Variants in COPS3 observed in about 807,000 individuals in gnomAD.
The protein encoded by COPS3 is COP9 signalosome subunit 3, also known as COP9 signalosome complex subunit 3.
A neutral mutation model predicts 58.2 loss-of-function variants in COPS3; 10 were observed. The ratio of observed to expected loss-of-function variants is 0.17; its 90% CI spans 0.11 to 0.29. The LOEUF (loss-of-function observed/expected upper bound fraction) is 0.29, where lower values mean the gene tolerates loss of function less well. Ranked by LOEUF, COPS3 falls within the 10% of genes least tolerant of loss-of-function variation. COPS3 has a pLI of 1.00. For missense variants in COPS3, 333 were observed against 510.1 expected (o/e 0.65, Z 3.34); for synonymous variants, 187 against 181.7 (o/e 1.03, Z -0.24).
intron 1 of COPS3, among the ~76,000 whole-genome samples, chr17:17,278,717 G>C (rs1798229751): frequency 6.6e-6 from 1 of 152,034 alleles, no homozygotes; most frequent in African/African-American, 2.4e-5. Context: ...TTAACAATCA[G>C]TGCCCAGTTG....
chr17:17,267,033 T>TC (rs1278903136), intron 5 of COPS3, among the ~76,000 whole-genome samples: 1 of 149,910 alleles, frequency 6.7e-6, no homozygotes, highest in African/African-American at 2.4e-5. Flanking sequence ...AAAAAATGAT[T>TC]CGGGATTTTA....
At position 17,270,633 on chromosome 17, in the gene COPS3, C is replaced by T; in HGVS notation, c.348+125G>A. ...TTACAGCAATGGCTGTGAGTGCTCT[C>T]AAGTGACCACAGATATCTAGGTGGT... On this transcript the variant is annotated intron_variant, in intron 4 of 11. Coordinates refer to ENST00000268717, the MANE Select transcript of COPS3 (RefSeq NM_003653.4). 3 of 867,240 alleles carry T rather than the reference C, an allele frequency of 3.5e-6. No homozygotes were observed. The South Asian group carries it at 5.2e-5, about 15-fold the overall frequency. The allele number at this position is 867,240 out of a possible 1,614,324, so 53.7% of individuals were successfully genotyped here.
intron 1 of COPS3, 25 bp from the exon 2 acceptor site, chr17:17,276,189 G>A: frequency 1.2e-6 from 2 of 1,612,412 alleles, no homozygotes; most frequent in Non-Finnish European, 1.7e-6. Context: ...CAACACTATT[G>A]CATTTCAGCT....
At chr17:17,269,738 T>G (rs2048304739) in intron 4 of COPS3, among the ~76,000 whole-genome samples, 1 of 152,272 alleles carries the variant, frequency 6.6e-6, no homozygotes, top group African/African-American at 2.4e-5. Flanking sequence ...TCCACGGTTT[T>G]CTTTTGCTAT....
At chr17:17,248,777 AT>A in intron 10 of COPS3, 148 bp downstream of exon 10, 1 of 576,256 alleles carries the variant, frequency 1.7e-6, no homozygotes, top group Non-Finnish European at 3.0e-6. Context: ...TAAGCAGCCC[AT>A]TTTGAAACTA....
chr17:17,258,744 T>G (rs1222895609), intron 8 of COPS3, among the ~76,000 whole-genome samples: 1 of 152,164 alleles, frequency 6.6e-6, no homozygotes, highest in Non-Finnish European at 1.5e-5. Flanking sequence ...GTCTCTTAGA[T>G]CCTGGTCTTT....
intron 1 of COPS3, chr17:17,280,889 G>A (rs1040043999): frequency 8.1e-6 from 8 of 990,330 alleles, no homozygotes; most frequent in African/African-American, 6.6e-5. Context: ...AGGCCGGGGG[G>A]AGGGGGCTCC....
chr17:17,274,962 G>C (rs2048429979), intron 2 of COPS3, among the ~76,000 whole-genome samples: 1 of 151,940 alleles, frequency 6.6e-6, no homozygotes. Context: ...TGTTCTGTCA[G>C]TGTTATTCTC....
In COPS3 at chr17:17,248,920, GT is replaced by G; in HGVS notation, c.1137+5del. On this transcript the variant is annotated splice_donor_5th_base_variant and intron_variant, in intron 10 of 11. Coordinates refer to ENST00000268717, the MANE Select transcript of COPS3 (RefSeq NM_003653.4). ...AAAAAAATAAAAACCTGGCATTCATGTTTACCTCCTGATCAATGTTATGAAG... is the reference window on the plus strand; with the variant it reads ...AAAAAAATAAAAACCTGGCATTCATGTTACCTCCTGATCAATGTTATGAAG... 1 of 1,516,186 alleles carries G rather than the reference GT, an allele frequency of 6.6e-7. No individual in the cohort carries two copies. Among genetic ancestry groups the G allele is most frequent in the Admixed American group, 2.1e-5 (1 of 47,590 alleles). 93.9% of individuals were successfully genotyped at this position (1,516,186 alleles called of 1,614,324 possible). A position where few individuals can be genotyped will look rare whatever the true frequency, so the allele number is the denominator to read the frequency against.
chr17:17,263,993 ACG>A, intron 6 of COPS3, among the ~76,000 whole-genome samples: 1 of 152,330 alleles, frequency 6.6e-6, no homozygotes, highest in African/African-American at 2.4e-5. Context: ...CTGACTAGAC[ACG>A]TGCTTTAATG....
chr17:17,257,580 G>T (rs1450323509), intron 8 of COPS3, among the ~76,000 whole-genome samples: 2 of 151,224 alleles, frequency 1.3e-5, no homozygotes, highest in African/African-American at 4.9e-5. Context: ...GGCGGATCAC[G>T]AGGTCAGGAG....
chr17:17,260,649 C>T (rs549810979), intron 7 of COPS3, 175 bp from the exon 8 acceptor site: 1 of 532,790 alleles, frequency 1.9e-6, no homozygotes, highest in East Asian at 3.3e-5. Context: ...ACTAAAAATA[C>T]AAAATTAACT....
intron 2 of COPS3, among the ~76,000 whole-genome samples, chr17:17,273,946 G>C (rs958066234): frequency 6.6e-6 from 1 of 152,202 alleles, no homozygotes; most frequent in African/African-American, 2.4e-5. Flanking sequence ...GAGCCTGGGA[G>C]GTCGAGGCTA....
At chr17:17,276,762 G>A (rs1324873491) in intron 1 of COPS3, among the ~76,000 whole-genome samples, 2 of 151,812 alleles carry the variant, frequency 1.3e-5, no homozygotes, top group Admixed American at 6.6e-5. Context: ...GTAGAGACGG[G>A]GGTTTCACCT....
At chr17:17,264,249 A>T (rs1270093657) in intron 6 of COPS3, among the ~76,000 whole-genome samples, 1 of 152,250 alleles carries the variant, frequency 6.6e-6, no homozygotes, top group Non-Finnish European at 1.5e-5. Context: ...CCTTAAGTAA[A>T]GTGGTTTATT....
chr17:17,270,971 C>T lies in COPS3; in HGVS notation c.223G>A (p.Glu75Lys), dbSNP rs1369744129. The change falls in exon 3 of 12, where the codon GAA becomes AAA. Residue 75 changes from glutamate (E) to lysine (K), a missense_variant. Physicochemically the swap from Glu to Lys is moderately conservative, Grantham distance 56. Coordinates refer to ENST00000268717, the MANE Select transcript of COPS3 (RefSeq NM_003653.4). ...KFSMPSVPDF[E>K]TLFSQVQLFI... is the part of the protein sequence containing the mutation. ...AGCTGAACCTGTGAGAATAGCGTTT[C>T]GAAGTCAGGAACACTGGGCATAGAA... 9 of 1,613,806 alleles carry T rather than the reference C, an allele frequency of 5.6e-6. No individual in the cohort carries two copies. Among genetic ancestry groups the T allele is most frequent in the East Asian group, 2.2e-5 (1 of 44,894 alleles).
Position 17,249,923 on chromosome 17 carries a change from T to A in COPS3, c.1024-884A>T, listed in dbSNP as rs75811702. Among the ~76,000 whole-genome samples the A allele has an allele frequency of 6.9e-3, 1,043 of 152,112 alleles. 13 individuals are homozygous for A. The highest frequency in any genetic ancestry group is 0.024 in the African/African-American group (1,013 of 41,500). Reference sequence around the variant, plus strand: ...GATTACAGGCATGGGCCACCACATCTGGCCTACCTTTTTAAAGTGAGCAAT... The same window carrying A: ...GATTACAGGCATGGGCCACCACATCAGGCCTACCTTTTTAAAGTGAGCAAT... On this transcript the variant is annotated intron_variant, in intron 9 of 11. Transcript: ENST00000268717.
intron 4 of COPS3, among the ~76,000 whole-genome samples, chr17:17,268,832 C>A (rs1023360720): frequency 1.4e-5 from 2 of 145,494 alleles, no homozygotes; most frequent in Non-Finnish European, 3.0e-5. Flanking sequence ...AAAACAACAA[C>A]AACAACAACA....
intron 1 of COPS3, 90 bp downstream of exon 1, chr17:17,281,042 G>A (rs1380555992): frequency 2.3e-5 from 32 of 1,411,488 alleles, no homozygotes; most frequent in Non-Finnish European, 2.8e-5. Flanking sequence ...AGGACTAAAA[G>A]GGCTGTTCCA....
Sources: gnomAD v4.1 joint callset for allele counts (sites outside exome capture counted in the v4.1 genomes callset) on GRCh38, gnomAD v4.1.1 for gene constraint, MANE v1.5 for transcripts, NCBI Gene and HGNC (gene_info 2026-07-23, HGNC 2026-07-21) for gene names.